Variants in ANTXRL observed in about 807,000 individuals in gnomAD.
The protein encoded by ANTXRL is ANTXR like, also known as anthrax toxin receptor-like.
In ANTXRL, 63 loss-of-function variants were observed where a neutral mutation model predicts 75.4. The ratio of observed to expected loss-of-function variants is 0.84; its 90% confidence interval spans 0.68 to 1.03. ANTXRL has a LOEUF of 1.03. ANTXRL is among the 50% of genes least tolerant of loss of function. ANTXRL has a pLI of 0.00. For missense variants in ANTXRL, 797 were observed against 789.4 expected, an observed-to-expected ratio of 1.01 and a Z score of -0.12; for synonymous variants, 335 against 291.3, an observed-to-expected ratio of 1.15 and a Z score of -1.53.
chr10:46,308,342 T>G (rs1838215708), intron 12 of ANTXRL: 1 of 406,028 alleles, frequency 2.5e-6, no homozygotes, highest in South Asian at 1.8e-5. Flanking sequence ...GCCTTCATGC[T>G]CAGCCTCAGT....
chr10:46,303,699 T>A lies in ANTXRL; in HGVS notation c.895+879T>A, dbSNP rs76025342. ...CATGGAAGGGCTATAGTATTTTTTT[T>A]AAATCTCCTATTATTTGGCAATAGT... On this transcript the variant is annotated intron_variant, in intron 10 of 16. Transcript: ENST00000620264. Among the ~76,000 whole-genome samples the A allele has an allele frequency of 6.6e-3, 1,008 of 151,724 alleles. 49 individuals carry two copies. In the East Asian group the frequency reaches 0.13, roughly 19 times the overall value.
chr10:46,310,167 GAGA>G (rs1554963067), intron 13 of ANTXRL, among the ~76,000 whole-genome samples: 1 of 152,114 alleles, frequency 6.6e-6, no homozygotes, highest in Non-Finnish European at 1.5e-5. Flanking sequence ...GCTGTGGGCA[GAGA>G]AGGACACTTG....
At chr10:46,315,784 TGC>T (rs1838694145) in intron 16 of ANTXRL, among the ~76,000 whole-genome samples, 3 of 152,226 alleles carry the variant, frequency 2.0e-5, no homozygotes, top group Non-Finnish European at 4.4e-5. Flanking sequence ...CAAACATTTT[TGC>T]ATTTTGGCAC....
Position 46,297,249 on chromosome 10 carries a change from C to A in ANTXRL, c.509-3C>A. ...AGCAGGCCACTCTTTGCTTCTTCTA[C>A]AGACAAGGTTCCCAGCATGATTATT... On this transcript the variant is annotated splice_polypyrimidine_tract_variant and splice_region_variant and intron_variant, in intron 5 of 16. Transcript: ENST00000620264. The A allele has an allele frequency of 1.3e-6, 2 of 1,536,280 alleles. No homozygotes were observed. The highest frequency in any genetic ancestry group is 2.4e-5 in the South Asian group (2 of 84,048).
Position 46,317,832 on chromosome 10 carries a change from G to A in ANTXRL, c.1410+4516G>A, listed in dbSNP as rs1442758773. 2.0e-5 allele frequency among the ~76,000 whole-genome samples: 3 copies of A among 152,146 alleles called. No homozygotes were observed. In the East Asian group the frequency reaches 5.8e-4, roughly 29 times the overall value. On this transcript the variant is annotated intron_variant, in intron 16 of 16. Transcript: ENST00000620264. Reference sequence around the variant, plus strand: ...TTGTTTGCCAATCACTTCAGGAAATGTCCCTTTACCTTAGAGTGGTTGAGC... The same window carrying A: ...TTGTTTGCCAATCACTTCAGGAAATATCCCTTTACCTTAGAGTGGTTGAGC...
At position 46,297,242 on chromosome 10, in the gene ANTXRL, T is replaced by G. The variant is rs1438105921; in HGVS notation, c.509-10T>G. The G allele has an allele frequency of 1.7e-5, 26 of 1,535,962 alleles. No homozygotes were observed. The highest frequency in any genetic ancestry group is 3.9e-5 in the Admixed American group (2 of 50,964). On this transcript the variant is annotated splice_polypyrimidine_tract_variant and intron_variant, in intron 5 of 16. Coordinates refer to ENST00000620264, the MANE Select transcript of ANTXRL (RefSeq NM_001278688.3). ...TTTGCTGAGCAGGCCACTCTTTGCT[T>G]CTTCTACAGACAAGGTTCCCAGCAT...
chr10:46,290,049 T>TC (rs1836919216), intron 1 of ANTXRL, among the ~76,000 whole-genome samples: 1 of 147,858 alleles, frequency 6.8e-6, no homozygotes, highest in Non-Finnish European at 1.5e-5. Context: ...CTTTATCTTT[T>TC]TTTTTTTTTT....
chr10:46,306,865 C>T lies in ANTXRL; in HGVS notation c.958C>T (p.Pro320Ser), dbSNP rs1554962052. Residue 320 changes from proline (P) to serine (S), a missense_variant, in exon 11 of 17, where the codon CCT becomes TCT. Pro to Ser is a moderately conservative substitution (Grantham distance 74, BLOSUM62 -1). Around this residue, in one of 3 missense-constraint regions of ANTXRL, gnomAD observed 479 missense variants for 422.0 expected, o/e 1.14. Coordinates refer to ENST00000620264, the MANE Select transcript of ANTXRL (RefSeq NM_001278688.3). ...MNCPGPKLEK[P>S]GEEYSIEVSL... ...TTGCCCTGGGCCAAAACTAGAAAAA[C>T]CTGGAGAGTAAGTGCCCCTGGCAGG... 15 of 1,529,344 alleles carry T rather than the reference C, an allele frequency of 9.8e-6. No homozygotes were observed. The highest frequency in any genetic ancestry group is 2.0e-5 in the Admixed American group (1 of 49,892). 94.7% of individuals were successfully genotyped at this position (1,529,344 alleles called of 1,614,324 possible).
At chr10:46,293,484 G>A (rs1345819789) in intron 2 of ANTXRL, among the ~76,000 whole-genome samples, 1 of 144,774 alleles carries the variant, frequency 6.9e-6, no homozygotes, top group Non-Finnish European at 1.5e-5. Flanking sequence ...GCATGTGTGT[G>A]GGTGTTTGTG....
intron 10 of ANTXRL, 60 bp from the exon 11 acceptor site, chr10:46,306,743 T>G: frequency 3.6e-6 from 5 of 1,389,058 alleles, no homozygotes; most frequent in South Asian, 1.4e-5. Context: ...AGGACAGACA[T>G]GGGGAGGAAC....
At position 46,329,912 on chromosome 10, in the gene ANTXRL, G is replaced by C. The variant is rs544159034; in HGVS notation, c.1724G>C (p.Ser575Thr). 2.0e-4 allele frequency: 301 copies of C among 1,535,594 alleles called. 2 individuals carry two copies. In the African/African-American group the frequency reaches 3.7e-3, roughly 19 times the overall value. The change falls in exon 17 of 17, where the codon AGC (serine) becomes ACC (threonine). Residue 575 changes from serine (S) to threonine (T), a missense_variant. Around this residue, in one of 3 missense-constraint regions of ANTXRL, gnomAD observed 479 missense variants for 422.0 expected, o/e 1.14. Coordinates refer to ENST00000620264, the MANE Select transcript of ANTXRL (RefSeq NM_001278688.3). ...SQAQTLCNPK[S>T]CLQPSRECLP... ...GCACAGACTCTGTGCAACCCAAAGA[G>C]CTGCCTTCAACCCAGCCGGGAGTGC... is the stretch of plus-strand genomic sequence containing the variant.
intron 4 of ANTXRL, 35 bp downstream of exon 4, chr10:46,296,135 A>G: frequency 6.5e-7 from 1 of 1,534,596 alleles, no homozygotes; most frequent in Non-Finnish European, 8.7e-7. Flanking sequence ...CCTAACCCTA[A>G]CCCTAACCCT....
intron 16 of ANTXRL, among the ~76,000 whole-genome samples, chr10:46,326,305 G>A (rs1839209185): frequency 6.6e-6 from 1 of 152,066 alleles, no homozygotes; most frequent in Admixed American, 6.5e-5. Flanking sequence ...TGAGTGGACA[G>A]CAGTCAGCAG....
intron 3 of ANTXRL, among the ~76,000 whole-genome samples, chr10:46,295,349 T>C (rs1234522581): frequency 6.6e-6 from 1 of 152,130 alleles, no homozygotes; most frequent in Non-Finnish European, 1.5e-5. Context: ...ACAGCGTCCT[T>C]GTTAGGGTTA....
chr10:46,286,960 C>T (rs1362246288), upstream of ANTXRL: 5 of 460,108 alleles, frequency 1.1e-5, no homozygotes, highest in East Asian at 4.3e-5. Context: ...GGAAGAGCTG[C>T]AGGTCACAAA....
intron 3 of ANTXRL, among the ~76,000 whole-genome samples, chr10:46,295,804 C>G (rs1837343159): frequency 6.6e-6 from 1 of 152,120 alleles, no homozygotes; most frequent in Non-Finnish European, 1.5e-5. Flanking sequence ...TGAAGTTCCC[C>G]AGGCCTGCAT....
At chr10:46,293,401 AGTGTGTGCC>A (rs1837147548) in intron 2 of ANTXRL, among the ~76,000 whole-genome samples, 1 of 88,120 alleles carries the variant, frequency 1.1e-5, no homozygotes, top group African/African-American at 4.6e-5. Context: ...TGTGTGTGTG[AGTGTGTGCC>A]TGTGTGTGGG....
chr10:46,325,630 T>C (rs1158045192), intron 16 of ANTXRL, among the ~76,000 whole-genome samples: 1 of 152,170 alleles, frequency 6.6e-6, no homozygotes, highest in Non-Finnish European at 1.5e-5. Context: ...TACTCCTTGC[T>C]ATATTTTGAG....
chr10:46,310,765 G>T (rs1286949233), intron 14 of ANTXRL, among the ~76,000 whole-genome samples: 11 of 152,098 alleles, frequency 7.2e-5, no homozygotes, highest in Admixed American at 1.3e-4. Flanking sequence ...GATCTGTCCT[G>T]AATAAATGGG....
Sources: gnomAD v4.1 joint callset for allele counts (sites outside exome capture counted in the v4.1 genomes callset) on GRCh38, gnomAD v4.1.1 for gene constraint, gnomAD v4.1.1 regional missense constraint, MANE v1.5 for transcripts, NCBI Gene and HGNC (gene_info 2026-07-23, HGNC 2026-07-21) for gene names.